TRANK1: variants seen among roughly 807,000 people sequenced by gnomAD.
TRANK1 encodes the protein TPR and ankyrin repeat-containing protein 1.
A neutral mutation model predicts 266.0 loss-of-function variants in TRANK1; 198 were observed. The observed-to-expected ratio is 0.74, with a 90% CI of 0.66 to 0.84. The LOEUF (loss-of-function observed/expected upper bound fraction) is 0.84. Among genes scored for constraint, TRANK1 ranks in the 40% least tolerant of loss-of-function variants. The pLI is 0.00. For missense variants in TRANK1, 3,326 were observed against 3,634.6 expected, an observed-to-expected ratio of 0.92 and a Z score of 2.18; for synonymous variants, 1,396 against 1,384.1, an observed-to-expected ratio of 1.01 and a Z score of -0.19.
Position 36,892,342 on chromosome 3 carries a change from T to C in TRANK1, c.637-2A>G. 16 of 1,535,758 alleles carry C rather than the reference T, an allele frequency of 1.0e-5. No individual in the cohort carries two copies. Among genetic ancestry groups the C allele is most frequent in the Non-Finnish European group, 1.4e-5 (16 of 1,146,498 alleles). Reference sequence around the variant, plus strand: ...ATAAAGTCCAATGAAAACGTATTTCTGGGGAAAAAAAACACACAGGACAAA... The same window carrying C: ...ATAAAGTCCAATGAAAACGTATTTCCGGGGAAAAAAAACACACAGGACAAA... On this transcript the variant is annotated splice_acceptor_variant, in intron 6 of 23. Transcript: ENST00000645898. LOFTEE classifies it high-confidence loss of function.
chr3:36,940,053 G>A (rs13083659), intron 1 of TRANK1, among the ~76,000 whole-genome samples: 1 of 151,778 alleles, frequency 6.6e-6, no homozygotes, highest in South Asian at 2.1e-4. Flanking sequence ...ACCATGCCTG[G>A]CTAATTTTTT....
Position 36,831,788 on chromosome 3 carries a change from T to G in TRANK1, c.7795A>C (p.Met2599Leu), listed in dbSNP as rs376721155. Residue 2599 changes from methionine to leucine, a missense_variant, in exon 22 of 24, where the codon ATG becomes CTG. Coordinates refer to ENST00000645898, the MANE Select transcript of TRANK1 (RefSeq NM_001329998.2). This position sits in a 1 kb window ranked among gnomAD's most constrained non-coding sequence, Gnocchi z 5.0. Reference sequence around the variant, plus strand: ...ACCTGGCCAGGGCAGTCCATGCTCATGAGCTGCAGCCTTGACTCAATCTCC... The same window carrying G: ...ACCTGGCCAGGGCAGTCCATGCTCAGGAGCTGCAGCCTTGACTCAATCTCC... ...FREIESRLQL[M>L]SMDCPGQVPE... 9.9e-6 allele frequency: 16 copies of G among 1,613,848 alleles called. No individual in the cohort carries two copies. In the African/African-American group the frequency reaches 1.7e-4, roughly 18 times the overall value.
chr3:36,897,230 G>C (rs1466680931), intron 4 of TRANK1, among the ~76,000 whole-genome samples: 2 of 151,590 alleles, frequency 1.3e-5, no homozygotes, highest in Non-Finnish European at 2.9e-5. Context: ...GCTTGAACCT[G>C]GGAGTCAGAG....
At chr3:36,850,473 CCTT>C (rs1250554874) in intron 15 of TRANK1, 1 of 985,248 alleles carries the variant, frequency 1.0e-6, no homozygotes, top group African/African-American at 1.7e-5. Context: ...ATCTCAGTGA[CCTT>C]CTGCTTTATC....
chr3:36,874,806 T>A (rs1460448148), intron 8 of TRANK1, among the ~76,000 whole-genome samples: 2 of 152,130 alleles, frequency 1.3e-5, no homozygotes, highest in Admixed American at 1.3e-4. Context: ...TGCTCTGATG[T>A]ATCCATTTGC....
rs1333418993 is a variant in TRANK1, at chr3:36,830,965, T to C, written c.8618A>G (p.Glu2873Gly). ...VWIHSHVGSK[E>G]HSHMLQKVQE... ...GACCTTCTGCAGCATGTGGCTGTGC[T>C]CCTTGGAGCCCACGTGACTGTGGAT... The change falls in exon 22 of 24, where the codon GAG becomes GGG. Residue 2873 changes from glutamate to glycine, a missense_variant. Glu to Gly is a moderately conservative substitution (Grantham distance 98). Transcript: ENST00000645898. 1 of 1,613,906 alleles carries C rather than the reference T, an allele frequency of 6.2e-7. No individual in the cohort carries two copies. Among genetic ancestry groups the C allele is most frequent in the Non-Finnish European group, 8.5e-7 (1 of 1,179,896 alleles).
At chr3:36,877,792 T>C (rs1480800884) in intron 8 of TRANK1, among the ~76,000 whole-genome samples, 4 of 152,244 alleles carry the variant, frequency 2.6e-5, no homozygotes, top group African/African-American at 9.6e-5. Context: ...TTACTTTTTA[T>C]CACATTCTTT....
At position 36,910,675 on chromosome 3, in the gene TRANK1, G is replaced by A. The variant is rs2080038776; in HGVS notation, c.24-2221C>T. Among the ~76,000 whole-genome samples the A allele has an allele frequency of 2.0e-5, 3 of 152,114 alleles. No individual in the cohort carries two copies. The South Asian group carries it at 6.2e-4, about 32-fold the overall frequency. On this transcript the variant is annotated intron_variant, in intron 1 of 23. Coordinates refer to ENST00000645898, the MANE Select transcript of TRANK1 (RefSeq NM_001329998.2). The stretch of plus-strand genomic sequence containing the variant: ...GAATCGCTTGAACCCAGGAGGGAGA[G>A]GTTGCAGTGAGCCAAGATCACACCA...
chr3:36,832,271 T>C lies in TRANK1; in HGVS notation c.7312A>G (p.Ile2438Val). ...RLFFRFMNVL[I>V]KRCKEPLIPS... ...ATGAGTGGTTCTTTGCACCTCTTGA[T>C]GAGGACATTCATGAAACGGAAAAAG... The change falls in exon 22 of 24, where the codon ATC (isoleucine) becomes GTC (valine). Residue 2438 changes from isoleucine to valine, a missense_variant. Physicochemically the swap from Ile to Val is conservative, Grantham distance 29. Coordinates refer to ENST00000645898, the MANE Select transcript of TRANK1 (RefSeq NM_001329998.2). 5 of 1,614,024 alleles carry C rather than the reference T, an allele frequency of 3.1e-6. No individual in the cohort carries two copies. The South Asian group carries it at 5.5e-5, about 18-fold the overall frequency.
chr3:36,898,341 T>G (rs2079823380), intron 4 of TRANK1, among the ~76,000 whole-genome samples: 1 of 151,742 alleles, frequency 6.6e-6, no homozygotes, highest in African/African-American at 2.4e-5. Flanking sequence ...TCCCAGCTAC[T>G]CAGGAGGCTG....
intron 9 of TRANK1, among the ~76,000 whole-genome samples, chr3:36,865,388 T>C (rs1037663374): frequency 2.0e-5 from 3 of 152,148 alleles, no homozygotes; most frequent in East Asian, 3.9e-4. Context: ...ATAACTGATA[T>C]AACAATTCAG....
At chr3:36,914,291 G>A (rs1043358885) in intron 1 of TRANK1, among the ~76,000 whole-genome samples, 1 of 151,740 alleles carries the variant, frequency 6.6e-6, no homozygotes, top group Non-Finnish European at 1.5e-5. Context: ...ACGCCACCAT[G>A]CCAGGCTAAT....
chr3:36,836,767 A>T (rs192872976), intron 20 of TRANK1, among the ~76,000 whole-genome samples: 1 of 152,302 alleles, frequency 6.6e-6, no homozygotes, highest in Admixed American at 6.5e-5. Context: ...CATTTCCCAG[A>T]TATGCCACCA....
At chr3:36,918,375 G>C (rs1334031524) in intron 1 of TRANK1, among the ~76,000 whole-genome samples, 1 of 151,190 alleles carries the variant, frequency 6.6e-6, no homozygotes, top group Non-Finnish European at 1.5e-5. Context: ...CATTTAAAAA[G>C]TGTTAAGATG....
chr3:36,894,293 T>C (rs2079755865), intron 5 of TRANK1, among the ~76,000 whole-genome samples: 1 of 152,240 alleles, frequency 6.6e-6, no homozygotes, highest in Non-Finnish European at 1.5e-5. Context: ...GTTCTTTCCC[T>C]GAGTGCAGTA....
intron 1 of TRANK1, among the ~76,000 whole-genome samples, chr3:36,937,285 A>G (rs2080438852): frequency 6.6e-6 from 1 of 152,110 alleles, no homozygotes; most frequent in Non-Finnish European, 1.5e-5. Context: ...CATTATTTGG[A>G]TGAATAGTTT....
intron 22 of TRANK1, 27 bp downstream of exon 22, chr3:36,830,846 T>C: frequency 1.3e-6 from 2 of 1,556,696 alleles, no homozygotes; most frequent in Non-Finnish European, 1.7e-6. Context: ...TCACTCTGCC[T>C]GGGCCCCCAT....
At chr3:36,889,749 C>T in intron 8 of TRANK1, 80 bp downstream of exon 8, 1 of 1,450,800 alleles carries the variant, frequency 6.9e-7, no homozygotes, top group African/African-American at 1.4e-5. Context: ...ATGGGTAAAA[C>T]AAGGCAGTCG....
chr3:36,860,895 G>A lies in TRANK1; in HGVS notation c.1495+11C>T. On this transcript the variant is annotated intron_variant, in intron 11 of 23. Coordinates refer to ENST00000645898, the MANE Select transcript of TRANK1 (RefSeq NM_001329998.2). ...ACAAGTCTCCAACGCTTAGCATCCA[G>A]TCACTCTCACCTCCACTGTCTATCA... is the stretch of plus-strand genomic sequence containing the variant. 1 of 1,536,904 alleles carries A rather than the reference G, an allele frequency of 6.5e-7. No homozygotes were observed. The highest frequency in any genetic ancestry group is 8.7e-7 in the Non-Finnish European group (1 of 1,146,580).
Sources: gnomAD v4.1 joint callset for allele counts (sites outside exome capture counted in the v4.1 genomes callset) on GRCh38, gnomAD v4.1.1 for gene constraint, Gnocchi (gnomAD v3.1) non-coding constraint, MANE v1.5 for transcripts, NCBI Gene and HGNC (gene_info 2026-07-23, HGNC 2026-07-21) for gene names.